Variants in RPS6KC1 observed in about 807,000 individuals in gnomAD.
RPS6KC1 encodes the protein ribosomal protein S6 kinase C1.
A neutral mutation model predicts 103.8 loss-of-function variants in RPS6KC1; 54 were observed. The ratio of observed to expected loss-of-function variants is 0.52; its 90% CI spans 0.42 to 0.65. The LOEUF (loss-of-function observed/expected upper bound fraction) is 0.65. Among genes scored for constraint, RPS6KC1 ranks in the 30% least tolerant of loss-of-function variants. The pLI is 0.00. For synonymous variants in RPS6KC1, 439 were observed against 438.7 expected (o/e 1.00, Z -0.01); for missense variants, 1,151 against 1,253.8 (o/e 0.92, Z 1.24).
At chr1:213,172,183 C>T (rs1395353919) in intron 7 of RPS6KC1, among the ~76,000 whole-genome samples, 1 of 152,130 alleles carries the variant, frequency 6.6e-6, no homozygotes, top group Non-Finnish European at 1.5e-5. Context: ...TTAAGAAGTA[C>T]TGCACCAACA....
chr1:213,257,786 C>CTTTT (rs71147062), intron 12 of RPS6KC1, among the ~76,000 whole-genome samples: 3 of 49,420 alleles, frequency 6.1e-5, no homozygotes, highest in African/African-American at 1.6e-4. Context: ...ACAGGTAAAA[C>CTTTT]TTTTTTTTTT....
chr1:213,490,714 G>T, the RPS6KC1 span, among the ~76,000 whole-genome samples: 1 of 152,184 alleles, frequency 6.6e-6, no homozygotes, highest in Non-Finnish European at 1.5e-5. Context: ...GTGTAGAAGT[G>T]CAGTGAAAGA....
chr1:213,157,458 C>A lies in RPS6KC1; in HGVS notation c.836-10400C>A, dbSNP rs576848543. On this transcript the variant is annotated intron_variant, in intron 6 of 14. Transcript: ENST00000366960. ...TCCTGACCTTGTGATCTGCCCGCCTCGGCCTGCCAAAGTGCTGGGATTACA... is the reference window on the plus strand; with the variant it reads ...TCCTGACCTTGTGATCTGCCCGCCTAGGCCTGCCAAAGTGCTGGGATTACA... 1.6e-4 allele frequency among the ~76,000 whole-genome samples: 24 copies of A among 152,230 alleles called. No homozygotes were observed. In the East Asian group the frequency reaches 4.6e-3, roughly 29 times the overall value.
At chr1:213,667,528 C>CT in the RPS6KC1 span, among the ~76,000 whole-genome samples, 25 of 152,292 alleles carry the variant, frequency 1.6e-4, no homozygotes, top group African/African-American at 5.8e-4. Context: ...AGGTGGTAAT[C>CT]TTTTTGCTGG....
chr1:213,348,279 C>T, the RPS6KC1 span, among the ~76,000 whole-genome samples: 1 of 152,160 alleles, frequency 6.6e-6, no homozygotes. Context: ...CTACTTGCAC[C>T]AGATGAAAAT....
the RPS6KC1 span, among the ~76,000 whole-genome samples, chr1:213,422,332 C>T: frequency 6.6e-6 from 1 of 152,236 alleles, no homozygotes; most frequent in Admixed American, 6.5e-5. Context: ...GTCAGAATTA[C>T]ATTCCTTTTT....
the RPS6KC1 span, among the ~76,000 whole-genome samples, chr1:213,293,342 A>G: frequency 6.6e-6 from 1 of 152,094 alleles, no homozygotes; most frequent in Admixed American, 6.5e-5. Flanking sequence ...AATGACAAAC[A>G]TATTGGGAAA....
the RPS6KC1 span, among the ~76,000 whole-genome samples, chr1:213,428,509 CCTTCCTTCCTCTT>C: frequency 4.8e-5 from 3 of 62,640 alleles, no homozygotes; most frequent in African/African-American, 1.6e-4. Flanking sequence ...TTCCTTCCTT[CCTTCCTTCCTCTT>C]TCTCTCTCTC....
intron 8 of RPS6KC1, among the ~76,000 whole-genome samples, chr1:213,178,966 C>T (rs572679109): frequency 3.3e-5 from 5 of 152,076 alleles, no homozygotes; most frequent in African/African-American, 1.2e-4. Flanking sequence ...ATGATCCACT[C>T]GCCTCGGCCT....
chr1:213,605,621 A>G, the RPS6KC1 span, among the ~76,000 whole-genome samples: 1 of 152,142 alleles, frequency 6.6e-6, no homozygotes, highest in Non-Finnish European at 1.5e-5. Context: ...TTGTAACCCC[A>G]TGAGGGCAGG....
At chr1:213,746,456 C>T in the RPS6KC1 span, among the ~76,000 whole-genome samples, 2 of 152,136 alleles carry the variant, frequency 1.3e-5, no homozygotes, top group Middle Eastern at 3.4e-3. Flanking sequence ...GTGTGGGTGG[C>T]CGAGGGTGAG....
chr1:213,344,348 G>T, the RPS6KC1 span, among the ~76,000 whole-genome samples: 2 of 152,148 alleles, frequency 1.3e-5, no homozygotes, highest in African/African-American at 4.8e-5. Flanking sequence ...TTTTTTAAAT[G>T]TGTATTTCTT....
At chr1:213,215,973 A>G (rs555611057) in intron 8 of RPS6KC1, among the ~76,000 whole-genome samples, 2 of 152,208 alleles carry the variant, frequency 1.3e-5, no homozygotes, top group Admixed American at 6.5e-5. Flanking sequence ...GCATCAACTA[A>G]CGAGCAAAAT....
chr1:213,667,453 T>C, the RPS6KC1 span, among the ~76,000 whole-genome samples: 4 of 152,224 alleles, frequency 2.6e-5, no homozygotes, highest in African/African-American at 9.6e-5. Context: ...TTTTAAAAAA[T>C]GTACATACCT....
At chr1:213,801,892 G>A in the RPS6KC1 span, among the ~76,000 whole-genome samples, 1 of 152,212 alleles carries the variant, frequency 6.6e-6, no homozygotes, top group African/African-American at 2.4e-5. Flanking sequence ...GAGGTAGGTG[G>A]CTAAAAGTCA....
At chr1:213,233,802 T>G (rs1474147923) in intron 10 of RPS6KC1, among the ~76,000 whole-genome samples, 2 of 152,188 alleles carry the variant, frequency 1.3e-5, no homozygotes, top group African/African-American at 2.4e-5. Flanking sequence ...TACCTGACTT[T>G]GAATGCTCAC....
At chr1:213,804,839 A>G in the RPS6KC1 span, among the ~76,000 whole-genome samples, 5 of 152,218 alleles carry the variant, frequency 3.3e-5, no homozygotes, top group African/African-American at 1.2e-4. Flanking sequence ...TGATTCTGTG[A>G]ACACTCGAGT....
At chr1:213,315,551 G>A in the RPS6KC1 span, among the ~76,000 whole-genome samples, 3 of 152,156 alleles carry the variant, frequency 2.0e-5, no homozygotes, top group Non-Finnish European at 4.4e-5. Context: ...TTCATTGCAG[G>A]TTCCCTTTAA....
the RPS6KC1 span, among the ~76,000 whole-genome samples, chr1:213,436,367 T>A: frequency 6.6e-6 from 1 of 152,046 alleles, no homozygotes; most frequent in Non-Finnish European, 1.5e-5. Context: ...TGGAAAACTC[T>A]GTGATAGAAT....
Sources: allele counts gnomAD v4.1 joint callset (sites outside exome capture counted in the v4.1 genomes callset), GRCh38; gene constraint gnomAD v4.1.1; transcripts MANE v1.5; gene names NCBI Gene and HGNC (gene_info 2026-07-23, HGNC 2026-07-21).